Variants in PCNX1 observed in about 807,000 individuals in gnomAD.
The protein encoded by PCNX1 is pecanex 1.
Under a neutral mutation model 242.2 loss-of-function variants are expected in PCNX1, and 78 were observed. The observed-to-expected ratio is 0.32, with a 90% CI of 0.27 to 0.39. The LOEUF is 0.39. Ranked by LOEUF, PCNX1 falls within the 10% of genes least tolerant of loss-of-function variation. The pLI is 1.00. For missense variants in PCNX1, 2,581 were observed against 2,856.5 expected (o/e 0.90, Z 2.20); for synonymous variants, 1,024 against 1,032.9 (o/e 0.99, Z 0.17).
chr14:71,050,701 C>T lies in PCNX1; in HGVS notation c.4388C>T (p.Pro1463Leu). The T allele has an allele frequency of 6.2e-7, 1 of 1,613,012 alleles. No homozygotes were observed. ...KLQFVYTYIAPWQITWGSAFH... is the reference protein window; with the variant it reads ...KLQFVYTYIALWQITWGSAFH... ...CAGTTTGTGTATACCTATATTGCCCCATGGCAGATCACATGGGGTTCTGCT... is the reference window on the plus strand; with the variant it reads ...CAGTTTGTGTATACCTATATTGCCCTATGGCAGATCACATGGGGTTCTGCT... The change falls in exon 23 of 36, where the codon CCA (proline) becomes CTA (leucine). Residue 1463 changes from proline to leucine, a missense_variant. By Grantham distance (98) the Pro-to-Leu change is moderately conservative. Around this residue, in one of 9 missense-constraint regions of PCNX1, gnomAD observed 99 missense variants for 147.3 expected, o/e 0.67. Coordinates refer to ENST00000304743, the MANE Select transcript of PCNX1 (RefSeq NM_014982.3).
Position 71,109,591 on chromosome 14 carries a change from A to G in PCNX1, c.6884A>G (p.His2295Arg), listed in dbSNP as rs540546846. ...DWSPQEGMEG[H>R]VIHRWVPCSR... ...AGTCCGCAGGAGGGCATGGAAGGCC[A>G]TGTAAGTTCTTTTACAAGCTGGCGG... Residue 2295 changes from histidine to arginine, a missense_variant and splice_region_variant, in exon 35 of 36, where the codon CAT becomes CGT. Physicochemically the swap from His to Arg is conservative, Grantham distance 29. This residue lies in a region of PCNX1 where 432 missense variants were observed against 433.6 expected (regional missense o/e 1.00). Transcript: ENST00000304743. 1.2e-6 allele frequency: 2 copies of G among 1,614,126 alleles called. No homozygotes were observed. The highest frequency in any genetic ancestry group is 2.2e-5 in the South Asian group (2 of 91,084).
Position 70,977,349 on chromosome 14 carries a change from G to A in PCNX1, c.1012G>A (p.Glu338Lys), listed in dbSNP as rs2058716842. The A allele has an allele frequency of 6.2e-7, 1 of 1,614,036 alleles. No homozygotes were observed. The highest frequency in any genetic ancestry group is 1.3e-5 in the African/African-American group (1 of 74,916). Residue 338 changes from glutamate to lysine, a missense_variant, in exon 6 of 36, where the codon GAA becomes AAA. Glu to Lys is a moderately conservative substitution (Grantham distance 56). This residue lies in a region of PCNX1 where 1,204 missense variants were observed against 1,216.7 expected (regional missense o/e 0.99). Transcript: ENST00000304743. ...SLVENSGLSG[E>K]FQLAGDLKIN... ...GGTGGAAAATTCTGGTTTATCTGGG[G>A]AATTTCAGCTTGCTGGTGACTTGAA...
chr14:70,920,190 C>G (rs2056323788), intron 1 of PCNX1, among the ~76,000 whole-genome samples: 1 of 152,088 alleles, frequency 6.6e-6, no homozygotes, highest in Non-Finnish European at 1.5e-5. Context: ...TCCTGTATAC[C>G]CTTCACCCAG....
intron 33 of PCNX1, 75 bp downstream of exon 33, chr14:71,105,515 A>C (rs1169968116): frequency 1.8e-6 from 2 of 1,121,682 alleles, no homozygotes; most frequent in African/African-American, 3.1e-5. Context: ...GTGTATAAAG[A>C]GGATTACATG....
chr14:71,047,178 A>G (rs1223280727), intron 21 of PCNX1, 73 bp downstream of exon 21: 2 of 896,004 alleles, frequency 2.2e-6, no homozygotes, highest in East Asian at 5.7e-5. Flanking sequence ...GTTGTTGATC[A>G]AATATTAAAT....
intron 1 of PCNX1, among the ~76,000 whole-genome samples, chr14:70,917,930 A>G (rs1403989740): frequency 6.6e-6 from 1 of 152,218 alleles, no homozygotes; most frequent in Non-Finnish European, 1.5e-5. Flanking sequence ...TGCAGCTTCT[A>G]CATCGGCACT....
intron 16 of PCNX1, among the ~76,000 whole-genome samples, chr14:71,030,723 T>C (rs2140915307): frequency 6.6e-6 from 1 of 152,296 alleles, no homozygotes; most frequent in Admixed American, 6.5e-5. Flanking sequence ...TTTTTGTTTT[T>C]TCCCCATATA....
chr14:71,001,169 T>C lies in PCNX1; in HGVS notation c.2629+5244T>C, dbSNP rs531590381. ...ATCATTATTTAATCAATTAACCCCA[T>C]TGTTAGTCTTCACACTGTTTCCTGA... On this transcript the variant is annotated intron_variant, in intron 8 of 35. Coordinates refer to ENST00000304743, the MANE Select transcript of PCNX1 (RefSeq NM_014982.3). Among the ~76,000 whole-genome samples, 1,368 of 145,708 alleles carry C rather than the reference T, an allele frequency of 9.4e-3. 10 individuals are homozygous for C. Among genetic ancestry groups the C allele is most frequent in the Non-Finnish European group, 0.013 (842 of 66,320 alleles).
intron 1 of PCNX1, among the ~76,000 whole-genome samples, chr14:70,908,928 A>G (rs2055701400): frequency 6.6e-6 from 1 of 151,644 alleles, no homozygotes; most frequent in African/African-American, 2.4e-5. Flanking sequence ...CGTTAGGGAA[A>G]CTCGTGTGGA....
At chr14:70,964,764 G>A (rs2140500047) in intron 3 of PCNX1, among the ~76,000 whole-genome samples, 1 of 152,276 alleles carries the variant, frequency 6.6e-6, no homozygotes, top group South Asian at 2.1e-4. Flanking sequence ...TAAAGCATGT[G>A]TGCATGTTGT....
chr14:70,918,678 C>T (rs1017574958), intron 1 of PCNX1, among the ~76,000 whole-genome samples: 2 of 152,130 alleles, frequency 1.3e-5, no homozygotes, highest in South Asian at 4.1e-4. Flanking sequence ...AAGCTAAGCA[C>T]AACATAAGAT....
Position 71,089,254 on chromosome 14 carries a change from C to G in PCNX1, c.5501C>G (p.Ser1834Ter), listed in dbSNP as rs2062067813. 1 of 1,610,728 alleles carries G rather than the reference C, an allele frequency of 6.2e-7. No homozygotes were observed. The change falls in exon 30 of 36, where the codon TCA (serine) becomes TGA (stop). Residue 1834 changes from serine to a stop codon, truncating the protein, a stop_gained. Coordinates refer to ENST00000304743, the MANE Select transcript of PCNX1 (RefSeq NM_014982.3). LOFTEE classifies it high-confidence loss of function. ...TTTAAAGGAGATTTCCGTATTTCTT[C>G]AATTCGAGATGAATGGATCTTTGCT... Reference protein sequence around the residue: ...ALFKGDFRISSIRDEWIFADM... With the variant: ...ALFKGDFRIS
At chr14:71,099,000 A>AT (rs930739720) in intron 30 of PCNX1, among the ~76,000 whole-genome samples, 1 of 152,018 alleles carries the variant, frequency 6.6e-6, no homozygotes, top group African/African-American at 2.4e-5. Flanking sequence ...ATTTCAAATA[A>AT]TTTTTTTATT....
intron 1 of PCNX1, among the ~76,000 whole-genome samples, chr14:70,913,130 A>T (rs1187746374): frequency 6.6e-6 from 1 of 152,150 alleles, no homozygotes; most frequent in East Asian, 1.9e-4. Context: ...TGTAAGTTCC[A>T]TGAGGGCAGG....
intron 1 of PCNX1, among the ~76,000 whole-genome samples, chr14:70,916,858 G>A (rs757876409): frequency 3.3e-5 from 5 of 152,180 alleles, no homozygotes; most frequent in Non-Finnish European, 7.3e-5. Context: ...CTGCTTGATA[G>A]CGTTTTACCC....
intron 24 of PCNX1, among the ~76,000 whole-genome samples, chr14:71,054,369 T>A (rs1040823599): frequency 6.6e-6 from 1 of 152,224 alleles, no homozygotes; most frequent in African/African-American, 2.4e-5. Flanking sequence ...TACATTTTAT[T>A]ATGTAGTGAA....
chr14:70,909,735 G>C (rs2055739188), intron 1 of PCNX1, among the ~76,000 whole-genome samples: 1 of 152,106 alleles, frequency 6.6e-6, no homozygotes, highest in Non-Finnish European at 1.5e-5. Flanking sequence ...CAGTTAAACT[G>C]AATTCTCACA....
chr14:71,069,828 G>T (rs536059652), intron 26 of PCNX1, among the ~76,000 whole-genome samples: 1 of 152,332 alleles, frequency 6.6e-6, no homozygotes, highest in South Asian at 2.1e-4. Context: ...ATTGCCGAAG[G>T]TTGGGGCAGC....
chr14:71,034,579 T>C (rs2060478168), intron 18 of PCNX1, among the ~76,000 whole-genome samples: 3 of 152,220 alleles, frequency 2.0e-5, no homozygotes, highest in South Asian at 4.1e-4. Flanking sequence ...TAATGTTGCT[T>C]GTATTCTTTT....
Sources: allele counts gnomAD v4.1 joint callset (sites outside exome capture counted in the v4.1 genomes callset), GRCh38; gene constraint gnomAD v4.1.1; regional missense constraint gnomAD v4.1.1; transcripts MANE v1.5; gene names NCBI Gene and HGNC (gene_info 2026-07-23, HGNC 2026-07-21).